UAP1L1: variants seen among roughly 807,000 people sequenced by gnomAD.
UAP1L1 encodes the protein UDP-N-acetylglucosamine pyrophosphorylase 1 like 1.
Under a neutral mutation model 45.3 loss-of-function variants are expected in UAP1L1, and 45 were observed. That is an observed-to-expected ratio of 0.99 (90% confidence interval 0.78 to 1.27). UAP1L1 has a LOEUF of 1.27. UAP1L1 is among the 50% of genes most tolerant of loss of function. The pLI, the probability that UAP1L1 is intolerant of heterozygous loss-of-function variation, is 0.00. For synonymous variants in UAP1L1, 323 were observed against 303.9 expected (o/e 1.06, Z -0.65); for missense variants, 667 against 694.0 (o/e 0.96, Z 0.44).
Position 137,078,065 on chromosome 9 carries a change from C to G in UAP1L1, c.305C>G (p.Ser102Cys). Reference protein sequence around the residue: ...RWEEEGFRQISLNKVAVLLLA... With the variant: ...RWEEEGFRQICLNKVAVLLLA... ...GTACCCCCAGGTTTCCGTCAGATTTCTCTGAACAAGGTGGCCGTCCTGCTG... is the reference window on the plus strand; with the variant it reads ...GTACCCCCAGGTTTCCGTCAGATTTGTCTGAACAAGGTGGCCGTCCTGCTG... The change falls in exon 2 of 9, where the codon TCT (serine) becomes TGT (cysteine). Residue 102 changes from serine to cysteine, a missense_variant. Coordinates refer to ENST00000409858, the MANE Select transcript of UAP1L1 (RefSeq NM_207309.3). 2 of 1,549,744 alleles carry G rather than the reference C, an allele frequency of 1.3e-6. No homozygotes were observed. The highest frequency in any genetic ancestry group is 1.4e-5 in the African/African-American group (1 of 73,176).
intron 7 of UAP1L1, 29 bp from the exon 8 acceptor site, chr9:137,081,969 G>A (rs1439887484): frequency 6.2e-7 from 1 of 1,612,602 alleles, no homozygotes; most frequent in Non-Finnish European, 8.5e-7. Context: ...GGTGCTGCAA[G>A]GAGATATTGA....
rs201303814 is a variant in UAP1L1, at chr9:137,079,137, T to C, written c.832T>C (p.Cys278Arg). 130 of 1,610,256 alleles carry C rather than the reference T, an allele frequency of 8.1e-5. No individual in the cohort carries two copies. The highest frequency in any genetic ancestry group is 1.7e-4 in the Middle Eastern group (1 of 6,046). ...IGFCVLQGAD[C>R]GAKVVEKAYP... ...CTTCTGTGTGTTGCAGGGCGCAGAC[T>C]GTGGCGCCAAGGTTAGCGCCCGACT... Residue 278 changes from cysteine to arginine, a missense_variant, in exon 4 of 9, where the codon TGT becomes CGT. Transcript: ENST00000409858.
intron 5 of UAP1L1, 154 bp downstream of exon 5, chr9:137,079,603 T>C: frequency 1.4e-6 from 1 of 700,770 alleles, no homozygotes; most frequent in South Asian, 1.9e-5. Context: ...GGGTGGAGAA[T>C]GGATCCTGAG....
chr9:137,078,367 C>A, intron 2 of UAP1L1, 113 bp downstream of exon 2: 1 of 1,567,928 alleles, frequency 6.4e-7, no homozygotes, highest in South Asian at 1.2e-5. Context: ...TTGCCCAGAA[C>A]CGGCCCAAAA....
rs753942116 is a variant in UAP1L1 at position 137,079,993 on chromosome 9, G to A, written c.1038-9G>A. On this transcript the variant is annotated splice_polypyrimidine_tract_variant and intron_variant, in intron 5 of 8. Transcript: ENST00000409858. ...TTTCTTTCCTCCCCTCTGCTCTCCC[G>A]TGCCCCAGGGAGTTTGAGCCTTTGC... is the stretch of plus-strand genomic sequence containing the variant. 99 of 1,612,918 alleles carry A rather than the reference G, an allele frequency of 6.1e-5. 1 individual carries two copies. The highest frequency in any genetic ancestry group is 1.7e-4 in the Middle Eastern group (1 of 5,774).
chr9:137,079,229 G>T (rs746237308), intron 4 of UAP1L1, 27 bp from the exon 5 acceptor site: 14 of 1,601,298 alleles, frequency 8.7e-6, no homozygotes, highest in East Asian at 6.7e-5. Context: ...CCCAGCCCTC[G>T]GAACCCATCC....
In UAP1L1 at chr9:137,077,905, G is replaced by A. The variant is rs114436495; in HGVS notation, c.289+84G>A. On this transcript the variant is annotated intron_variant, in intron 1 of 8. Coordinates refer to ENST00000409858, the MANE Select transcript of UAP1L1 (RefSeq NM_207309.3). The surrounding 1 kb of genome is among the most constrained non-coding windows in gnomAD (Gnocchi z 4.7). The stretch of plus-strand genomic sequence containing the variant: ...GAACCGAGGCCGCGCTCGGGGAACT[G>A]TAGTTCTCCTCGCTACTTTGAGACG... 888 of 1,488,414 alleles carry A rather than the reference G, an allele frequency of 6.0e-4. 3 individuals are homozygous for A. In the African/African-American group the frequency reaches 0.011, roughly 19 times the overall value. 92.2% of individuals were successfully genotyped at this position (1,488,414 alleles called of 1,614,324 possible).
intron 3 of UAP1L1, 64 bp from the exon 4 acceptor site, chr9:137,078,912 C>G: frequency 2.0e-6 from 3 of 1,527,760 alleles, no homozygotes; most frequent in Non-Finnish European, 2.6e-6. Context: ...CCAGCACGTC[C>G]TAGACTCCCA....
Position 137,082,767 on chromosome 9 carries a change from C to A in UAP1L1, c.*38C>A, listed in dbSNP as rs1204811975. 1.1e-5 allele frequency: 17 copies of A among 1,504,882 alleles called. No homozygotes were observed. Among genetic ancestry groups the A allele is most frequent in the Non-Finnish European group, 1.5e-5 (17 of 1,116,218 alleles). The allele number at this position is 1,504,882 out of a possible 1,614,324, so 93.2% of individuals were successfully genotyped here. ...GTCCCCAGACTCCCCCGAGACCTGC[C>A]AGCCCCGGCATCCTGGAAGTCCCGA... On this transcript the variant is annotated 3_prime_UTR_variant, in exon 9 of 9. Transcript: ENST00000409858. This position sits in a 1 kb window ranked among gnomAD's most constrained non-coding sequence, Gnocchi z 5.7.
Position 137,077,804 on chromosome 9 carries a change from G to T in UAP1L1, c.272G>T (p.Arg91Leu). The change falls in exon 1 of 9, where the codon CGG (arginine) becomes CTG (leucine). Residue 91 changes from arginine to leucine, a missense_variant. By Grantham distance (102) the Arg-to-Leu change is moderately radical. Transcript: ENST00000409858. The surrounding 1 kb of genome is among the most constrained non-coding windows in gnomAD (Gnocchi z 4.7). ...RASRSDPETRRRWEEEGFRQI... is the reference protein window; with the variant it reads ...RASRSDPETRLRWEEEGFRQI... Reference sequence around the variant, plus strand: ...AGCCGCAGCGACCCCGAGACACGGCGGCGCTGGGAGGAGGAAGGTAAGCGG... The same window carrying T: ...AGCCGCAGCGACCCCGAGACACGGCTGCGCTGGGAGGAGGAAGGTAAGCGG... 7.2e-7 allele frequency: 1 copy of T among 1,385,436 alleles called. No homozygotes were observed. Among genetic ancestry groups the T allele is most frequent in the Non-Finnish European group, 9.3e-7 (1 of 1,074,132 alleles). The allele number at this position is 1,385,436 out of a possible 1,614,324, so 85.8% of individuals were successfully genotyped here.
At position 137,083,022 on chromosome 9, in the gene UAP1L1, G is replaced by C; in HGVS notation, c.*293G>C. ...TCCTGGCTGTGGGGTCTAGTCAAGA[G>C]GCAGAGGGACTTGGGACCTGGGAGA... On this transcript the variant is annotated 3_prime_UTR_variant, in exon 9 of 9. Transcript: ENST00000409858. 2.5e-6 allele frequency: 1 copy of C among 397,058 alleles called. No homozygotes were observed. Among genetic ancestry groups the C allele is most frequent in the Non-Finnish European group, 4.8e-6 (1 of 209,976 alleles). 24.6% of individuals were successfully genotyped at this position (397,058 alleles called of 1,614,324 possible).
chr9:137,078,533 C>G lies in UAP1L1; in HGVS notation c.526C>G (p.Pro176Ala), dbSNP rs1832731784. 5.6e-6 allele frequency: 9 copies of G among 1,613,150 alleles called. No homozygotes were observed. The highest frequency in any genetic ancestry group is 7.6e-6 in the Non-Finnish European group (9 of 1,180,014). Residue 176 changes from proline to alanine, a missense_variant, in exon 3 of 9, where the codon CCC becomes GCC. Physicochemically the swap from Pro to Ala is conservative, Grantham distance 27. Transcript: ENST00000409858. ...YVMTSEFTLG[P>A]TAEFFREHNF... ...CATGACCAGCGAGTTCACTCTGGGG[C>G]CCACGGCCGAGTTCTTCAGGGAGCA...
chr9:137,078,893 C>T, intron 3 of UAP1L1, 83 bp from the exon 4 acceptor site: 1 of 1,484,406 alleles, frequency 6.7e-7, no homozygotes, highest in African/African-American at 1.4e-5. Flanking sequence ...GCCGGGGCTT[C>T]CCCCGCCTCC....
At position 137,083,874 on chromosome 9, in the gene UAP1L1, T is replaced by G. The variant is rs1245268824; in HGVS notation, c.*1145T>G. Reference sequence around the variant, plus strand: ...ACAGTCCCCAGTGGAGGGCCACTACTCATCCCCATTGGTTTCCCAGGGGAG... The same window carrying G: ...ACAGTCCCCAGTGGAGGGCCACTACGCATCCCCATTGGTTTCCCAGGGGAG... On this transcript the variant is annotated 3_prime_UTR_variant, in exon 9 of 9. Transcript: ENST00000409858. The G allele has an allele frequency of 6.6e-6, 1 of 152,264 alleles. No homozygotes were observed. Among genetic ancestry groups the G allele is most frequent in the Non-Finnish European group, 1.5e-5 (1 of 68,054 alleles). 9.4% of individuals were successfully genotyped at this position (152,264 alleles called of 1,614,324 possible).
chr9:137,082,387 C>T lies in UAP1L1; in HGVS notation c.1432-250C>T, dbSNP rs1832802744. On this transcript the variant is annotated intron_variant, in intron 8 of 8. Coordinates refer to ENST00000409858, the MANE Select transcript of UAP1L1 (RefSeq NM_207309.3). The surrounding 1 kb of genome is among the most constrained non-coding windows in gnomAD (Gnocchi z 5.7). ...CTCCCTGACCTCGGCTGCCCTTGCC[C>T]CTTTCTCTGGTCAGGTCAGACCTGT... 2.5e-5 allele frequency: 15 copies of T among 594,888 alleles called. No individual in the cohort carries two copies. The South Asian group carries it at 3.0e-4, about 12-fold the overall frequency. The allele number at this position is 594,888 out of a possible 1,614,324, so 36.9% of individuals were successfully genotyped here. A position where few individuals can be genotyped will look rare whatever the true frequency, so the allele number is the denominator to read the frequency against.
At chr9:137,080,209 C>T (rs1466387458) in intron 6 of UAP1L1, 67 bp downstream of exon 6, 12 of 1,584,596 alleles carry the variant, frequency 7.6e-6, no homozygotes, top group African/African-American at 2.7e-5. Flanking sequence ...GGAACTGAGG[C>T]GCAGCTGGTA....
rs1440273782 is a variant in UAP1L1 at position 137,078,983 on chromosome 9, C to T, written c.678C>T (p.Asn226=). 11 of 1,585,528 alleles carry T rather than the reference C, an allele frequency of 6.9e-6. No individual in the cohort carries two copies. The highest frequency in any genetic ancestry group is 2.2e-5 in the East Asian group (1 of 44,742). The change falls in exon 4 of 9, where the codon AAC becomes AAT. Residue 226 remains asparagine, a synonymous_variant. Coordinates refer to ENST00000409858, the MANE Select transcript of UAP1L1 (RefSeq NM_207309.3). The part of the protein sequence containing the change: ...KDKVAMAPDG[N]GGLYCALEDH... ...TCCCTTCTCCGTCTGCAGACGGCAA[C>T]GGGGGCCTCTACTGCGCGCTGGAGG... is the stretch of plus-strand genomic sequence containing the variant.
At chr9:137,081,094 G>A (rs112331074) in intron 7 of UAP1L1, among the ~76,000 whole-genome samples, 117 of 152,342 alleles carry the variant, frequency 7.7e-4, no homozygotes, top group African/African-American at 2.7e-3. Context: ...TGTGCTCAGT[G>A]CACTGAGGGA....
Position 137,079,483 on chromosome 9 carries a change from C to A in UAP1L1, c.1037+34C>A, listed in dbSNP as rs770593667. The A allele has an allele frequency of 5.1e-6, 8 of 1,556,666 alleles. No homozygotes were observed. In the East Asian group the frequency reaches 1.6e-4, roughly 31 times the overall value. ...CAGCAGGTGGCTGCGGATTGCCGGCCAGAGCCGCCTGCGTTGACCAGGGAC... is the reference window on the plus strand; with the variant it reads ...CAGCAGGTGGCTGCGGATTGCCGGCAAGAGCCGCCTGCGTTGACCAGGGAC... On this transcript the variant is annotated intron_variant, in intron 5 of 8. Transcript: ENST00000409858.
Sources: allele counts gnomAD v4.1 joint callset (sites outside exome capture counted in the v4.1 genomes callset), GRCh38; gene constraint gnomAD v4.1.1; non-coding constraint Gnocchi (gnomAD v3.1); transcripts MANE v1.5; gene names NCBI Gene and HGNC (gene_info 2026-07-23, HGNC 2026-07-21).